LRBA: variants seen among roughly 807,000 people sequenced by gnomAD.
LRBA encodes the protein lipopolysaccharide-responsive and beige-like anchor protein.
In LRBA, 176 loss-of-function variants were observed where a neutral mutation model predicts 330.0. The observed-to-expected ratio is 0.53, with a 90% CI of 0.47 to 0.60. The LOEUF is 0.60. Ranked by LOEUF, LRBA falls within the 20% of genes least tolerant of loss-of-function variation. The probability of loss-of-function intolerance (pLI) is 0.00; values close to 1 mark genes in which losing one functional copy is unlikely to be tolerated. For missense variants in LRBA, 3,259 were observed against 3,444.8 expected (o/e 0.95, Z 1.35); for synonymous variants, 1,230 against 1,193.0 (o/e 1.03, Z -0.64).
chr4:150,906,139 G>A, intron 12 of LRBA, 149 bp from the exon 13 acceptor site: 2 of 816,298 alleles, frequency 2.5e-6, no homozygotes, highest in Non-Finnish European at 4.0e-6. Flanking sequence ...TTTGATAGAG[G>A]AATGGAGGCA....
chr4:150,622,448 G>A (rs2126633794), intron 37 of LRBA, among the ~76,000 whole-genome samples: 1 of 152,256 alleles, frequency 6.6e-6, no homozygotes. Flanking sequence ...TAAAGCAGGA[G>A]GATCATTGTG....
intron 37 of LRBA, among the ~76,000 whole-genome samples, chr4:150,600,539 G>A (rs1465608972): frequency 6.6e-6 from 1 of 152,090 alleles, no homozygotes; most frequent in Admixed American, 6.6e-5. Context: ...CTCTGAAAAT[G>A]CTGAAGGGAT....
intron 47 of LRBA, among the ~76,000 whole-genome samples, chr4:150,356,135 T>C (rs1191902134): frequency 6.6e-6 from 1 of 152,104 alleles, no homozygotes; most frequent in African/African-American, 2.4e-5. Flanking sequence ...TAAAGTCCTT[T>C]CAACTTTTTT....
intron 47 of LRBA, among the ~76,000 whole-genome samples, chr4:150,390,877 G>T (rs1204296549): frequency 6.6e-6 from 1 of 152,132 alleles, no homozygotes; most frequent in East Asian, 1.9e-4. Context: ...ATTTTCTCCT[G>T]ATGTATTGTA....
intron 37 of LRBA, among the ~76,000 whole-genome samples, chr4:150,621,871 A>G (rs1241318119): frequency 6.6e-6 from 1 of 152,192 alleles, no homozygotes; most frequent in Non-Finnish European, 1.5e-5. Flanking sequence ...ACTGAGGGCA[A>G]TGCTGTATGC....
At chr4:150,811,440 A>C (rs63634060) in intron 31 of LRBA, among the ~76,000 whole-genome samples, 1 of 131,200 alleles carries the variant, frequency 7.6e-6, no homozygotes, top group African/African-American at 2.5e-5. Flanking sequence ...AAAAAAAAAA[A>C]GGGGGTGTGC....
Position 151,014,625 on chromosome 4 carries a change from A to G in LRBA, c.18T>C (p.Asn6=). 6.2e-7 allele frequency: 1 copy of G among 1,603,250 alleles called. No homozygotes were observed. Among genetic ancestry groups the G allele is most frequent in the Non-Finnish European group, 8.5e-7 (1 of 1,174,262 alleles). Residue 6 remains asparagine (N), a synonymous_variant, in exon 2 of 57, where the codon AAT becomes AAC. Coordinates refer to ENST00000651943, the MANE Select transcript of LRBA (RefSeq NM_001364905.1). ...CTGTTGGTGGCGGGGAAGGGACACG[A>G]TTGTCTTCGCTAGCCATTGCTAGCT... MASED[N]RVPSPPPTGD...
At chr4:150,313,828 AATATATATAATGTATATATAT>A (rs1271965563) in intron 51 of LRBA, among the ~76,000 whole-genome samples, 1 of 133,592 alleles carries the variant, frequency 7.5e-6, no homozygotes, top group African/African-American at 3.0e-5. Context: ...TTTCATATAG[AATATATATAATGTATATATAT>A]ATATATATAT....
At chr4:150,609,620 GGTGA>G in intron 37 of LRBA, among the ~76,000 whole-genome samples, 2 of 152,160 alleles carry the variant, frequency 1.3e-5, no homozygotes, top group Non-Finnish European at 2.9e-5. Flanking sequence ...ATGGATTACT[GGTGA>G]TGCTGTGAGC....
chr4:150,612,114 G>A (rs1336662276), intron 37 of LRBA, among the ~76,000 whole-genome samples: 1 of 151,988 alleles, frequency 6.6e-6, no homozygotes, highest in Non-Finnish European at 1.5e-5. Flanking sequence ...CTTTGCCCAG[G>A]CTGTATTTCT....
chr4:150,321,216 C>A lies in LRBA; in HGVS notation c.7605G>T (p.Ala2535=), dbSNP rs186768838. Residue 2535 remains alanine, a synonymous_variant, in exon 50 of 57, where the codon GCG becomes GCT. Transcript: ENST00000651943. The surrounding 1 kb of genome is among the most constrained non-coding windows in gnomAD (Gnocchi z 4.5). The part of the protein sequence containing the change: ...VITVTANRLF[A]VNKWHNLPAH... Reference sequence around the variant, plus strand: ...CAGGAAGGTTGTGCCATTTGTTCACCGCAAATAACCTGTTAGCAGTGACTG... The same window carrying A: ...CAGGAAGGTTGTGCCATTTGTTCACAGCAAATAACCTGTTAGCAGTGACTG... The A allele has an allele frequency of 6.2e-7, 1 of 1,607,360 alleles. No homozygotes were observed. The highest frequency in any genetic ancestry group is 8.5e-7 in the Non-Finnish European group (1 of 1,177,842).
At chr4:150,532,895 A>C (rs1055907057) in intron 40 of LRBA, among the ~76,000 whole-genome samples, 5 of 152,150 alleles carry the variant, frequency 3.3e-5, no homozygotes, top group Non-Finnish European at 5.9e-5. Flanking sequence ...TAGTCTTAAA[A>C]ATACTGAGAG....
intron 2 of LRBA, among the ~76,000 whole-genome samples, chr4:150,952,547 T>G (rs1033448548): frequency 1.3e-5 from 2 of 152,146 alleles, no homozygotes; most frequent in African/African-American, 4.8e-5. Context: ...ATGTCCAACA[T>G]CATTCCCAAG....
intron 37 of LRBA, among the ~76,000 whole-genome samples, chr4:150,601,046 T>C (rs1314316618): frequency 1.3e-5 from 2 of 152,224 alleles, no homozygotes; most frequent in Admixed American, 1.3e-4. Context: ...ATTAGTTCCC[T>C]AGACTGAGAT....
intron 36 of LRBA, among the ~76,000 whole-genome samples, chr4:150,688,084 G>A (rs963695237): frequency 6.6e-6 from 1 of 152,132 alleles, no homozygotes; most frequent in Admixed American, 6.6e-5. Context: ...AAAACAGCAT[G>A]GTACTGGTAC....
Position 150,828,445 on chromosome 4 carries a change from C to T in LRBA, c.4906G>A (p.Ala1636Thr). ...APPGVSAGPD[A>T]ISEVLSTLSL... ...AGAGTAGATAGCACCTCGCTGATTGCATCTGGGCCTGCACTGACACCAGGA... is the reference window on the plus strand; with the variant it reads ...AGAGTAGATAGCACCTCGCTGATTGTATCTGGGCCTGCACTGACACCAGGA... The change falls in exon 30 of 57, where the codon GCA (alanine) becomes ACA (threonine). Residue 1636 changes from alanine (A) to threonine (T), a missense_variant. Coordinates refer to ENST00000651943, the MANE Select transcript of LRBA (RefSeq NM_001364905.1). 1 of 1,614,138 alleles carries T rather than the reference C, an allele frequency of 6.2e-7. No individual in the cohort carries two copies. Among genetic ancestry groups the T allele is most frequent in the Non-Finnish European group, 8.5e-7 (1 of 1,180,014 alleles).
intron 40 of LRBA, among the ~76,000 whole-genome samples, chr4:150,513,487 G>A (rs1762038110): frequency 6.6e-6 from 1 of 152,024 alleles, no homozygotes; most frequent in Non-Finnish European, 1.5e-5. Context: ...GTCCCACCTG[G>A]GTCCTCATTG....
At chr4:150,333,198 A>G (rs1470394004) in intron 48 of LRBA, among the ~76,000 whole-genome samples, 2 of 152,310 alleles carry the variant, frequency 1.3e-5, no homozygotes, top group East Asian at 1.9e-4. Flanking sequence ...AAGTTAACTC[A>G]GTACAGCACT....
chr4:150,857,451 T>C (rs576545238), intron 22 of LRBA, among the ~76,000 whole-genome samples: 2 of 152,346 alleles, frequency 1.3e-5, no homozygotes, highest in African/African-American at 4.8e-5. Context: ...AACAGTCATT[T>C]TGATCAATTT....
Sources: allele counts gnomAD v4.1 joint callset (sites outside exome capture counted in the v4.1 genomes callset), GRCh38; gene constraint gnomAD v4.1.1; non-coding constraint Gnocchi (gnomAD v3.1); transcripts MANE v1.5; gene names NCBI Gene and HGNC (gene_info 2026-07-23, HGNC 2026-07-21).